Variants in ATP2B3 observed in about 807,000 individuals in gnomAD.
ATP2B3 encodes ATPase plasma membrane Ca2+ transporting 3, also known as plasma membrane calcium-transporting ATPase 3.
Under a neutral mutation model 70.8 loss-of-function variants are expected in ATP2B3, and 12 were observed. The ratio of observed to expected loss-of-function variants is 0.17; its 90% confidence interval spans 0.11 to 0.27. The LOEUF (loss-of-function observed/expected upper bound fraction) is 0.27, where lower values mean the gene tolerates loss of function less well. Ranked by LOEUF, ATP2B3 falls within the 10% of genes least tolerant of loss-of-function variation. ATP2B3 has a pLI of 1.00. For missense variants in ATP2B3, 858 were observed against 1,118.5 expected (o/e 0.77, Z 3.32); for synonymous variants, 460 against 497.8 (o/e 0.92, Z 1.01).
At chrX:153,544,408 C>A (rs2090333004) in intron 7 of ATP2B3, among the ~76,000 whole-genome samples, 1 of 112,396 alleles carries the variant, frequency 8.9e-6, no homozygotes, top group African/African-American at 3.2e-5. Flanking sequence ...CCTAACTGTT[C>A]CAGGCCTCTC....
intron 18 of ATP2B3, 48 bp from the exon 19 acceptor site, chrX:153,560,628 G>A (rs781940995): frequency 2.9e-5 from 34 of 1,182,969 alleles, no homozygotes; most frequent in Admixed American, 6.6e-5. Context: ...TGAGTAATGC[G>A]TCATGCGCTG....
chrX:153,563,136 CTTT>C (rs36131654), intron 20 of ATP2B3, among the ~76,000 whole-genome samples: 9 of 48,807 alleles, frequency 1.8e-4, no homozygotes, highest in South Asian at 2.3e-3. Flanking sequence ...CTGGCTTTTC[CTTT>C]TTTTTTTTTT....
At position 153,558,126 on chromosome X, in the gene ATP2B3, C is replaced by T. The variant is rs781820959; in HGVS notation, c.2448C>T (p.Thr816=). 11 of 1,207,260 alleles carry T rather than the reference C, an allele frequency of 9.1e-6. No individual in the cohort carries two copies. The Admixed American group carries it at 1.5e-4, about 17-fold the overall frequency. ...DVGFAMGIAG[T]DVAKEASDII... Reference sequence around the variant, plus strand: ...CACCCCCCCAGGGCATCGCAGGGACCGACGTGGCCAAGGAGGCCTCCGACA... The same window carrying T: ...CACCCCCCCAGGGCATCGCAGGGACTGACGTGGCCAAGGAGGCCTCCGACA... Residue 816 remains threonine (T), a synonymous_variant, in exon 17 of 22, where the codon ACC becomes ACT. Transcript: ENST00000263519.
At chrX:153,527,368 CG>C (rs2090050296) in intron 2 of ATP2B3, among the ~76,000 whole-genome samples, 2 of 113,203 alleles carry the variant, frequency 1.8e-5, no homozygotes, top group South Asian at 7.1e-4. Flanking sequence ...TCCCTGCCTT[CG>C]GGGCTGCTGG....
In ATP2B3 at chrX:153,580,181, C is replaced by T. The variant is rs782108899; in HGVS notation, c.3546C>T (p.Asn1182=). Residue 1182 remains asparagine, a synonymous_variant, in exon 22 of 22, where the codon AAC becomes AAT. Coordinates refer to ENST00000263519, the MANE Select transcript of ATP2B3 (RefSeq NM_001001344.3). ...RAPPPPSPNQ[N]NNAIDSGIYL... ...CCCCGCCCCCGTCCCCCAACCAGAA[C>T]AACAACGCCATAGACAGCGGCATCT... is the stretch of plus-strand genomic sequence containing the variant. 1 of 1,201,381 alleles carries T rather than the reference C, an allele frequency of 8.3e-7. No homozygotes were observed.
Position 153,549,552 on chromosome X carries a change from G to A in ATP2B3, c.1394G>A (p.Gly465Asp), listed in dbSNP as rs1557010395. ...CACCTGGATGCCTGCGAGACCATGGGCAACGCCACAGCCATCTGCTCCGAC... is the reference window on the plus strand; with the variant it reads ...CACCTGGATGCCTGCGAGACCATGGACAACGCCACAGCCATCTGCTCCGAC... ...VRHLDACETM[G>D]NATAICSDKT... The change falls in exon 11 of 22, where the codon GGC becomes GAC. Residue 465 changes from glycine to aspartate, a missense_variant. Around this residue, in one of 5 missense-constraint regions of ATP2B3, gnomAD observed 23 missense variants for 59.0 expected, o/e 0.39. Transcript: ENST00000263519. 8.2e-7 allele frequency: 1 copy of A among 1,212,252 alleles called. No homozygotes were observed.
chrX:153,533,398 A>G (rs1290441130), intron 2 of ATP2B3, among the ~76,000 whole-genome samples: 1 of 111,284 alleles, frequency 9.0e-6, no homozygotes, highest in East Asian at 2.8e-4. Flanking sequence ...GCTGGAACAG[A>G]GGGCGTGCGG....
intron 7 of ATP2B3, among the ~76,000 whole-genome samples, chrX:153,543,947 G>A (rs2090326115): frequency 9.0e-6 from 1 of 111,649 alleles, no homozygotes; most frequent in Non-Finnish European, 1.9e-5. Flanking sequence ...GGGGTGTGGG[G>A]GCGTGGGGGC....
At chrX:153,569,991 T>G in intron 21 of ATP2B3, 1 of 423,896 alleles carries the variant, frequency 2.4e-6, no homozygotes, top group Non-Finnish European at 4.0e-6. Context: ...TTTGCTTTGT[T>G]TGGTTTTTCG....
intron 21 of ATP2B3, chrX:153,569,330 C>T (rs782589683): frequency 1.8e-6 from 1 of 546,910 alleles, no homozygotes. Flanking sequence ...GACATGTTTG[C>T]AGTGTGCCCT....
rs144855129 is a variant in ATP2B3, at chrX:153,541,366, G to A, written c.216G>A (p.Ala72=). ...TTCCGGGGCACCATGCAGGCCTGGCGGACAACACCAATGACCTGGAGAAGC... is the reference window on the plus strand; with the variant it reads ...TTCCGGGGCACCATGCAGGCCTGGCAGACAACACCAATGACCTGGAGAAGC... The part of the protein sequence containing the change: ...RLKTSPTEGL[A]DNTNDLEKRR... The change falls in exon 4 of 22, where the codon GCG becomes GCA. Residue 72 remains alanine, a synonymous_variant. Transcript: ENST00000263519. 2,294 of 1,210,503 alleles carry A rather than the reference G, an allele frequency of 1.9e-3. 19 individuals carry two copies. The highest frequency in any genetic ancestry group is 2.5e-3 in the South Asian group (145 of 56,889).
intron 12 of ATP2B3, 42 bp downstream of exon 12, chrX:153,550,328 T>G: frequency 8.3e-7 from 1 of 1,204,678 alleles, no homozygotes; most frequent in African/African-American, 1.7e-5. Context: ...GCACGGAGTT[T>G]CTGATTCTAT....
intron 5 of ATP2B3, 102 bp downstream of exon 5, chrX:153,542,028 C>T: frequency 1.0e-6 from 1 of 969,868 alleles, no homozygotes. Context: ...TCCCCGGTGG[C>T]CTGCGTGTCG....
intron 2 of ATP2B3, among the ~76,000 whole-genome samples, chrX:153,519,856 CAGA>C (rs1359870332): frequency 1.8e-5 from 2 of 112,326 alleles, no homozygotes; most frequent in African/African-American, 6.5e-5. Flanking sequence ...TGCACAGGGC[CAGA>C]AGGAGAGCCG....
rs144737283 is a variant in ATP2B3, at chrX:153,519,397, C to T, written c.-127+846C>T. ...TATCGTAATAATCAAAGACCAGCCC[C>T]ACTTCCTGAGCTCCATCTGAGTCTC... is the stretch of plus-strand genomic sequence containing the variant. On this transcript the variant is annotated intron_variant, in intron 2 of 21. Transcript: ENST00000263519. Among the ~76,000 whole-genome samples, 571 of 112,094 alleles carry T rather than the reference C, an allele frequency of 5.1e-3. 4 individuals carry two copies. Among genetic ancestry groups the T allele is most frequent in the African/African-American group, 0.018 (546 of 30,818 alleles).
chrX:153,538,183 C>T (rs1177648032), intron 3 of ATP2B3, among the ~76,000 whole-genome samples: 2 of 112,965 alleles, frequency 1.8e-5, no homozygotes, highest in Non-Finnish European at 3.8e-5. Flanking sequence ...TGCACCCGGA[C>T]CCTGGTGCTC....
chrX:153,563,920 G>A (rs2090663515), intron 20 of ATP2B3, among the ~76,000 whole-genome samples: 2 of 112,994 alleles, frequency 1.8e-5, no homozygotes, highest in South Asian at 7.3e-4. Context: ...CACTGGCATA[G>A]ACACACAAGA....
chrX:153,575,798 G>A lies in ATP2B3; in HGVS notation c.3343-4180G>A, dbSNP rs1603132515. Among the ~76,000 whole-genome samples the A allele has an allele frequency of 2.7e-5, 3 of 112,163 alleles. No individual in the cohort carries two copies. In the Admixed American group the frequency reaches 2.8e-4, roughly 10 times the overall value. On this transcript the variant is annotated intron_variant, in intron 21 of 21. Transcript: ENST00000263519. ...CAGAGGAGGGGCCCTCGGGTGTCAG[G>A]GATGGGAGAGGAGGAGGGGCTGGAG...
intron 21 of ATP2B3, among the ~76,000 whole-genome samples, chrX:153,568,589 A>G (rs2090744291): frequency 2.7e-5 from 3 of 112,024 alleles, no homozygotes; most frequent in Non-Finnish European, 3.8e-5. Flanking sequence ...AGCAAGTGCC[A>G]TGAGGTTCCC....
Sources: allele counts gnomAD v4.1 joint callset (sites outside exome capture counted in the v4.1 genomes callset), GRCh38; gene constraint gnomAD v4.1.1; regional missense constraint gnomAD v4.1.1; transcripts MANE v1.5; gene names NCBI Gene and HGNC (gene_info 2026-07-23, HGNC 2026-07-21).